Variants in EPHA10 observed in about 807,000 individuals in gnomAD.
EPHA10 encodes EPH receptor A10.
EPHA10 carries 120 observed loss-of-function variants against 109.7 expected under a neutral mutation model. The ratio of observed to expected loss-of-function variants is 1.09; its 90% CI spans 0.94 to 1.27. The LOEUF is 1.27. Among genes scored for constraint, EPHA10 ranks in the 50% most tolerant of loss-of-function variants. The probability of loss-of-function intolerance (pLI) is 0.00; values close to 1 mark genes in which losing one functional copy is unlikely to be tolerated. For missense variants in EPHA10, 1,396 were observed against 1,411.1 expected (o/e 0.99, Z 0.17); for synonymous variants, 640 against 618.9 (o/e 1.03, Z -0.51).
Position 37,731,498 on chromosome 1 carries a change from C to T in EPHA10, c.1576G>A (p.Val526Ile), listed in dbSNP as rs55796784. ...VTNLKPATRYVFQIRAASPGP... is the reference protein window; with the variant it reads ...VTNLKPATRYIFQIRAASPGP... ...GGGGAAGCGGCCCGGATCTGAAAGA[C>T]GTAGCGGGTAGCCGGCTTCAGGTTG... Residue 526 changes from valine (V) to isoleucine (I), a missense_variant, in exon 7 of 17, where the codon GTC (valine) becomes ATC (isoleucine). Physicochemically the swap from Val to Ile is conservative, Grantham distance 29 (BLOSUM62 3). Transcript: ENST00000373048. The T allele has an allele frequency of 8.0e-4, 1,287 of 1,614,104 alleles. 9 individuals are homozygous for T. In the East Asian group the frequency reaches 0.014, roughly 17 times the overall value.
chr1:37,714,279 G>A (rs1328511273), downstream of EPHA10, among the ~76,000 whole-genome samples: 1 of 152,226 alleles, frequency 6.6e-6, no homozygotes, highest in Non-Finnish European at 1.5e-5. Context: ...CCAGGGAGAG[G>A]AGAAGCACTA....
chr1:37,715,936 A>C, downstream of EPHA10: 1 of 572,396 alleles, frequency 1.7e-6, no homozygotes, highest in Non-Finnish European at 3.4e-6. Flanking sequence ...CACACCAGCT[A>C]TACAATGATC....
intron 2 of EPHA10, 44 bp downstream of exon 2, chr1:37,762,741 C>A (rs1004307882): frequency 2.6e-6 from 4 of 1,514,712 alleles, no homozygotes; most frequent in Non-Finnish European, 3.6e-6. Flanking sequence ...TGTCCTGGAC[C>A]ACCAGAGGAT....
intron 5 of EPHA10, among the ~76,000 whole-genome samples, chr1:37,735,839 G>A (rs1646061468): frequency 6.6e-6 from 1 of 152,002 alleles, no homozygotes; most frequent in Admixed American, 6.6e-5. Flanking sequence ...AGAAATAGAA[G>A]GAAATTATCC....
At chr1:37,726,972 T>A (rs1245086251) in intron 8 of EPHA10, 130 bp downstream of exon 8, 2 of 609,642 alleles carry the variant, frequency 3.3e-6, no homozygotes, top group Non-Finnish European at 5.4e-6. Context: ...ATGCCTACAT[T>A]TGTACAGCAG....
In EPHA10 at chr1:37,765,038, AG is replaced by A; in HGVS notation, c.28del (p.Leu10CysfsTer84). 6.2e-7 allele frequency: 1 copy of A among 1,608,476 alleles called. No individual in the cohort carries two copies. Among genetic ancestry groups the A allele is most frequent in the Non-Finnish European group, 8.5e-7 (1 of 1,178,822 alleles). ...CTGCATCCGGCAGAGGAAGAGGCGC[AG>A]CGGGTGTGGACCGGCGCAGGTCTCC... METCAGPHP[L>X]RLFLCRMQLC... On this transcript the variant is annotated frameshift_variant, in exon 1 of 17. Transcript: ENST00000373048. LOFTEE classifies it high-confidence loss of function.
In EPHA10 at chr1:37,744,659, T is replaced by TG. The variant is rs993248530; in HGVS notation, c.1357+8216dup. On this transcript the variant is annotated intron_variant, in intron 5 of 16. Coordinates refer to ENST00000373048, the MANE Select transcript of EPHA10 (RefSeq NM_001099439.2). ...TGGGCAACAGAGCAAGACTCCATCT[T>TG]GGGGAAAAAAAAAAAGAAACTAAAA... 1.2e-4 allele frequency among the ~76,000 whole-genome samples: 16 copies of TG among 130,470 alleles called. 1 individual carries two copies. The highest frequency in any genetic ancestry group is 4.8e-4 in the Admixed American group (6 of 12,498). The allele number at this position is 130,470 out of a possible 152,430, so 85.6% of individuals were successfully genotyped here. A position where few individuals can be genotyped will look rare whatever the true frequency, so the allele number is the denominator to read the frequency against.
chr1:37,721,220 C>T (rs1333811752), intron 11 of EPHA10, among the ~76,000 whole-genome samples: 6 of 149,258 alleles, frequency 4.0e-5, no homozygotes, highest in African/African-American at 1.5e-4. Flanking sequence ...GAGATCAAGA[C>T]CATCCTGGCT....
In EPHA10 at chr1:37,731,429, C is replaced by T; in HGVS notation, c.1645G>A (p.Val549Ile). The change falls in exon 7 of 17, where the codon GTA becomes ATA. Residue 549 changes from valine to isoleucine, a missense_variant. Val to Ile is a conservative substitution (Grantham distance 29). Transcript: ENST00000373048. Reference sequence around the variant, plus strand: ...TACTTACCCTCCCCCAGGGTCTGTACTTCAATGCTGGGGTTAAAACTCTGG... The same window carrying T: ...TACTTACCCTCCCCCAGGGTCTGTATTTCAATGCTGGGGTTAAAACTCTGG... ...EAQSFNPSIE[V>I]QTLGEAASGS... The T allele has an allele frequency of 6.2e-7, 1 of 1,611,162 alleles. No homozygotes were observed. The highest frequency in any genetic ancestry group is 8.5e-7 in the Non-Finnish European group (1 of 1,178,392).
At chr1:37,723,275 A>G in intron 9 of EPHA10, 36 bp downstream of exon 9, 1 of 1,610,810 alleles carries the variant, frequency 6.2e-7, no homozygotes, top group Non-Finnish European at 8.5e-7. Context: ...GGCAGGGTGG[A>G]GCCCGCCCCT....
Position 37,735,303 on chromosome 1 carries a change from G to T in EPHA10, c.1445C>A (p.Ala482Asp), listed in dbSNP as rs1243115705. ...LSWREPIPAG[A>D]PGANDTEYEI... ...GTACTCCGTGTCATTGGCCCCAGGGGCTCCGGCAGGGATGGGCTCCCGCCA... is the reference window on the plus strand; with the variant it reads ...GTACTCCGTGTCATTGGCCCCAGGGTCTCCGGCAGGGATGGGCTCCCGCCA... The change falls in exon 6 of 17, where the codon GCC becomes GAC. Residue 482 changes from alanine to aspartate, a missense_variant. Transcript: ENST00000373048. 5 of 1,561,108 alleles carry T rather than the reference G, an allele frequency of 3.2e-6. No individual in the cohort carries two copies. Among genetic ancestry groups the T allele is most frequent in the Non-Finnish European group, 3.5e-6 (4 of 1,152,454 alleles).
intron 5 of EPHA10, among the ~76,000 whole-genome samples, chr1:37,740,504 A>C (rs1646137816): frequency 2.0e-5 from 3 of 152,000 alleles, no homozygotes; most frequent in Admixed American, 2.0e-4. Flanking sequence ...ACGGGGTTTC[A>C]CCATGTTAGC....
Position 37,735,271 on chromosome 1 carries a change from G to A in EPHA10, c.1477C>T (p.Arg493Ter), listed in dbSNP as rs1166568200. The change falls in exon 6 of 17, where the codon CGA becomes TGA. Residue 493 changes from arginine (R) to a stop codon, truncating the protein, a stop_gained. Transcript: ENST00000373048. LOFTEE classifies it high-confidence loss of function. ...CACGCACTCACCTTCTCGTAGTATC[G>A]GATCTCGTACTCCGTGTCATTGGCC... is the stretch of plus-strand genomic sequence containing the variant. ...PGANDTEYEIRYYEKGQSEQT... is the reference protein window; with the variant it reads ...PGANDTEYEI 4 of 1,566,256 alleles carry A rather than the reference G, an allele frequency of 2.6e-6. No homozygotes were observed. The highest frequency in any genetic ancestry group is 3.5e-6 in the Non-Finnish European group (4 of 1,155,528).
Position 37,761,618 on chromosome 1 carries a change from C to A in EPHA10, c.637G>T (p.Ala213Ser), listed in dbSNP as rs762339788. The change falls in exon 3 of 17, where the codon GCC becomes TCC. Residue 213 changes from alanine to serine, a missense_variant. Coordinates refer to ENST00000373048, the MANE Select transcript of EPHA10 (RefSeq NM_001099439.2). ...AACGTGGCCAGGCCCCGCACGGTGG[C>A]GCGGCACTGCTTGTAGTAGACGCGC... ...SVRVYYKQCRATVRGLATFPA... is the reference protein window; with the variant it reads ...SVRVYYKQCRSTVRGLATFPA... The A allele has an allele frequency of 2.4e-5, 39 of 1,603,522 alleles. No individual in the cohort carries two copies. The highest frequency in any genetic ancestry group is 3.2e-5 in the Non-Finnish European group (38 of 1,179,332).
chr1:37,731,067 C>T (rs760109931), intron 7 of EPHA10, among the ~76,000 whole-genome samples: 8 of 152,112 alleles, frequency 5.3e-5, no homozygotes, highest in Non-Finnish European at 8.8e-5. Context: ...GTCAGCATCA[C>T]GCTCTAAGGC....
At position 37,717,270 on chromosome 1, in the gene EPHA10, G is replaced by C. The variant is rs1645707775; in HGVS notation, c.*1102C>G. The C allele has an allele frequency of 2.1e-5, 5 of 233,058 alleles. No homozygotes were observed. The highest frequency in any genetic ancestry group is 4.2e-5 in the Non-Finnish European group (5 of 117,930). 14.4% of individuals were successfully genotyped at this position (233,058 alleles called of 1,614,324 possible). On this transcript the variant is annotated 3_prime_UTR_variant, in exon 17 of 17. Coordinates refer to ENST00000373048, the MANE Select transcript of EPHA10 (RefSeq NM_001099439.2). ...AGAGCAGGGAGGGGCTCCATGGAAG[G>C]CTGGGTAGTGCCCAAGGCACGGAGC...
At position 37,761,514 on chromosome 1, in the gene EPHA10, C is replaced by T. The variant is rs1293680628; in HGVS notation, c.741G>A (p.Glu247=). The change falls in exon 3 of 17, where the codon GAG becomes GAA. Residue 247 remains glutamate, a synonymous_variant. Transcript: ENST00000373048. ...AGTGCATGCGTGGGGGGCTGCCAGG[C>T]TCCCCTTCCGAGTGCGCCACGCACG... ...AGTCVAHSEG[E]PGSPPRMHCG... 4 of 1,599,308 alleles carry T rather than the reference C, an allele frequency of 2.5e-6. No individual in the cohort carries two copies. The East Asian group carries it at 8.9e-5, about 36-fold the overall frequency.
At chr1:37,724,671 C>T (rs1011012119) in intron 8 of EPHA10, among the ~76,000 whole-genome samples, 4 of 152,086 alleles carry the variant, frequency 2.6e-5, no homozygotes, top group Non-Finnish European at 5.9e-5. Flanking sequence ...GGAGGAGTTT[C>T]CGAAGTTTTC....
At chr1:37,731,370 C>T in intron 7 of EPHA10, 41 bp downstream of exon 7, 2 of 1,523,358 alleles carry the variant, frequency 1.3e-6, no homozygotes, top group Non-Finnish European at 1.8e-6. Flanking sequence ...GTGCAGGGTT[C>T]TCTCTGTCTA....
Sources: allele counts gnomAD v4.1 joint callset (sites outside exome capture counted in the v4.1 genomes callset), GRCh38; gene constraint gnomAD v4.1.1; transcripts MANE v1.5; gene names NCBI Gene and HGNC (gene_info 2026-07-23, HGNC 2026-07-21).